Variants in VPS13C observed in about 807,000 individuals in gnomAD.
VPS13C encodes intermembrane lipid transfer protein VPS13C.
Under a neutral mutation model 456.8 loss-of-function variants are expected in VPS13C, and 358 were observed. The ratio of observed to expected loss-of-function variants is 0.78; its 90% CI spans 0.72 to 0.86. VPS13C has a LOEUF of 0.86. VPS13C is among the 40% of genes least tolerant of loss of function. The probability of loss-of-function intolerance (pLI) is 0.00; values close to 1 mark genes in which losing one functional copy is unlikely to be tolerated. For synonymous variants in VPS13C, 1,578 were observed against 1,486.7 expected, an observed-to-expected ratio of 1.06 and a Z score of -1.41; for missense variants, 4,818 against 4,385.4, an observed-to-expected ratio of 1.10 and a Z score of -2.79.
chr15:61,904,553 T>C (rs558139177), intron 66 of VPS13C, among the ~76,000 whole-genome samples: 12 of 149,806 alleles, frequency 8.0e-5, no homozygotes, highest in South Asian at 4.2e-4. Context: ...TTGATGGGAA[T>C]GTAAAGTAGT....
In VPS13C at chr15:61,872,126, TAAC is replaced by T. The variant is rs148689903; in HGVS notation, c.10579-95_10579-93del. ...GAGGTCTCTACAGACATACTGGAAA[TAAC>T]AACAACAACAACAAAAATTGAAGAC... On this transcript the variant is annotated intron_variant, in intron 78 of 84. Coordinates refer to ENST00000644861, the MANE Select transcript of VPS13C (RefSeq NM_020821.3). 3.0e-3 allele frequency: 3,000 copies of T among 987,430 alleles called. 60 individuals are homozygous for T. In the African/African-American group the frequency reaches 0.038, roughly 13 times the overall value. 61.2% of individuals were successfully genotyped at this position (987,430 alleles called of 1,614,324 possible). A position where few individuals can be genotyped will look rare whatever the true frequency, so the allele number is the denominator to read the frequency against.
chr15:62,013,366 C>A (rs575608735), intron 10 of VPS13C, among the ~76,000 whole-genome samples: 130 of 151,708 alleles, frequency 8.6e-4, no homozygotes, highest in African/African-American at 2.9e-3. Flanking sequence ...ATTCAATTAT[C>A]AAATATTTAT....
intron 21 of VPS13C, 48 bp from the exon 22 acceptor site, chr15:61,981,526 T>C (rs1466775621): frequency 5.9e-6 from 9 of 1,518,084 alleles, no homozygotes; most frequent in Middle Eastern, 2.0e-4. Flanking sequence ...AGTTGAAATA[T>C]GTAATCATAT....
At chr15:62,043,872 G>C (rs1157714343) in intron 2 of VPS13C, among the ~76,000 whole-genome samples, 1 of 151,974 alleles carries the variant, frequency 6.6e-6, no homozygotes, top group African/African-American at 2.4e-5. Flanking sequence ...TCCAAAATTA[G>C]ATATGTTATT....
chr15:62,018,874 C>CCTT (rs2047355398), intron 9 of VPS13C, among the ~76,000 whole-genome samples: 2 of 152,140 alleles, frequency 1.3e-5, no homozygotes, highest in Non-Finnish European at 2.9e-5. Flanking sequence ...ACCAGCTCCT[C>CCTT]CTTGTACCTC....
Position 61,934,260 on chromosome 15 carries a change from C to T in VPS13C, c.5827G>A (p.Glu1943Lys). The change falls in exon 49 of 85, where the codon GAA becomes AAA. Residue 1943 changes from glutamate to lysine, a missense_variant. Physicochemically the swap from Glu to Lys is moderately conservative, Grantham distance 56. This residue lies in a region of VPS13C where 4,552 missense variants were observed against 4,130.6 expected (regional missense o/e 1.10). Transcript: ENST00000644861. Reference protein sequence around the residue: ...IVSLQFDFHFESLSIILYNND... With the variant: ...IVSLQFDFHFKSLSIILYNND... ...TTATAAAGGATAATGGAAAGAGATTCAAAGTGAAAGTCAAATTGGAGACTG... is the reference window on the plus strand; with the variant it reads ...TTATAAAGGATAATGGAAAGAGATTTAAAGTGAAAGTCAAATTGGAGACTG... 1 of 1,597,536 alleles carries T rather than the reference C, an allele frequency of 6.3e-7. No homozygotes were observed. The highest frequency in any genetic ancestry group is 8.5e-7 in the Non-Finnish European group (1 of 1,170,932).
chr15:62,047,435 C>CAA (rs60377771), intron 1 of VPS13C, among the ~76,000 whole-genome samples: 19 of 133,948 alleles, frequency 1.4e-4, no homozygotes, highest in African/African-American at 4.0e-4. Context: ...GACTCCATCT[C>CAA]AAAAAAAAAA....
chr15:62,055,645 G>C (rs898272259), intron 1 of VPS13C, among the ~76,000 whole-genome samples: 1 of 151,732 alleles, frequency 6.6e-6, no homozygotes, highest in South Asian at 2.1e-4. Flanking sequence ...ACAATATTTC[G>C]ATCTTAAAAC....
chr15:61,946,874 A>G (rs1236485319), intron 43 of VPS13C, among the ~76,000 whole-genome samples: 3 of 152,092 alleles, frequency 2.0e-5, no homozygotes, highest in Admixed American at 2.0e-4. Flanking sequence ...TCTTACTTCT[A>G]TAATAAACTG....
intron 38 of VPS13C, among the ~76,000 whole-genome samples, chr15:61,953,726 T>A (rs1161153372): frequency 6.6e-6 from 1 of 152,160 alleles, no homozygotes; most frequent in Admixed American, 6.6e-5. Context: ...TATAGCAGCA[T>A]GATTTATAGT....
chr15:61,987,808 T>C (rs2046100968), intron 18 of VPS13C, among the ~76,000 whole-genome samples: 1 of 152,210 alleles, frequency 6.6e-6, no homozygotes, highest in Non-Finnish European at 1.5e-5. Context: ...ATTACAACTT[T>C]TGGAGAAGTG....
At position 61,927,284 on chromosome 15, in the gene VPS13C, A is replaced by G. The variant is rs1195620118; in HGVS notation, c.6323T>C (p.Met2108Thr). The G allele has an allele frequency of 1.2e-6, 2 of 1,614,074 alleles. No homozygotes were observed. The highest frequency in any genetic ancestry group is 1.3e-5 in the African/African-American group (1 of 74,934). Residue 2108 changes from methionine (M) to threonine (T), a missense_variant, in exon 52 of 85, where the codon ATG (methionine) becomes ACG (threonine). This residue lies in a region of VPS13C where 4,552 missense variants were observed against 4,130.6 expected (regional missense o/e 1.10). Coordinates refer to ENST00000644861, the MANE Select transcript of VPS13C (RefSeq NM_020821.3). ...SVRPNMTLKA[M>T]ITDPEVVFVA... ...AAATACCACTTCTGGATCTGTGATC[A>G]TGGCCTTTAAAGTCATATTTGGTCT... is the stretch of plus-strand genomic sequence containing the variant.
intron 66 of VPS13C, among the ~76,000 whole-genome samples, chr15:61,905,118 A>C (rs952742958): frequency 6.6e-6 from 1 of 152,130 alleles, no homozygotes; most frequent in African/African-American, 2.4e-5. Flanking sequence ...CAAAATTGCT[A>C]GAAGAGAAGA....
intron 16 of VPS13C, among the ~76,000 whole-genome samples, chr15:61,997,103 G>T (rs940633596): frequency 6.6e-6 from 1 of 151,710 alleles, no homozygotes; most frequent in African/African-American, 2.4e-5. Flanking sequence ...CTTGAAAAAC[G>T]TCATGGCTAA....
At chr15:62,037,717 A>G (rs1165321045) in intron 3 of VPS13C, among the ~76,000 whole-genome samples, 1 of 151,734 alleles carries the variant, frequency 6.6e-6, no homozygotes, top group African/African-American at 2.4e-5. Context: ...GTAAAGAATA[A>G]ATGAATGGCT....
chr15:62,025,171 C>A (rs1243645176), intron 6 of VPS13C, among the ~76,000 whole-genome samples: 1 of 152,066 alleles, frequency 6.6e-6, no homozygotes, highest in Non-Finnish European at 1.5e-5. Flanking sequence ...CAACTAAATT[C>A]ATGTTATATA....
At chr15:62,033,642 T>C in intron 4 of VPS13C, 100 bp from the exon 5 acceptor site, 1 of 615,134 alleles carries the variant, frequency 1.6e-6, no homozygotes, top group Non-Finnish European at 2.5e-6. Flanking sequence ...TGTATAATCC[T>C]TCTGCAATAC....
intron 9 of VPS13C, 108 bp downstream of exon 9, chr15:62,020,370 TA>T: frequency 1.2e-6 from 1 of 856,622 alleles, no homozygotes; most frequent in South Asian, 3.1e-5. Context: ...ATAATATATT[TA>T]AAAAATCATA....
chr15:62,023,080 A>C (rs1260496609), intron 8 of VPS13C, among the ~76,000 whole-genome samples: 2 of 151,846 alleles, frequency 1.3e-5, no homozygotes, highest in African/African-American at 4.8e-5. Context: ...TTTAGAATTA[A>C]CTCTTTTGTC....
Sources: gnomAD v4.1 joint callset for allele counts (sites outside exome capture counted in the v4.1 genomes callset) on GRCh38, gnomAD v4.1.1 for gene constraint, gnomAD v4.1.1 regional missense constraint, MANE v1.5 for transcripts, NCBI Gene and HGNC (gene_info 2026-07-23, HGNC 2026-07-21) for gene names.